Variants in KIAA1217 observed in about 807,000 individuals in gnomAD.
The protein encoded by KIAA1217 is sickle tail protein homolog.
Under a neutral mutation model 163.9 loss-of-function variants are expected in KIAA1217, and 88 were observed. That is an observed-to-expected ratio of 0.54 (90% CI 0.45 to 0.64). The LOEUF (loss-of-function observed/expected upper bound fraction) is 0.64. Among genes scored for constraint, KIAA1217 ranks in the 30% least tolerant of loss-of-function variants. The pLI, the probability that KIAA1217 is intolerant of heterozygous loss-of-function variation, is 0.00. For missense variants in KIAA1217, 2,372 were observed against 2,475.0 expected (o/e 0.96, Z 0.88); for synonymous variants, 903 against 923.1 (o/e 0.98, Z 0.39).
chr10:23,732,739 T>A (rs979485346), intron 1 of KIAA1217, among the ~76,000 whole-genome samples: 1 of 152,202 alleles, frequency 6.6e-6, no homozygotes, highest in Non-Finnish European at 1.5e-5. Context: ...ACTGGTTTTT[T>A]AATCTTTCTT....
chr10:23,711,259 G>A (rs546939764), intron 1 of KIAA1217, among the ~76,000 whole-genome samples: 94 of 152,286 alleles, frequency 6.2e-4, no homozygotes, highest in African/African-American at 2.2e-3. Context: ...ACCTCCGAAA[G>A]CAAAAGAGAC....
intron 1 of KIAA1217, among the ~76,000 whole-genome samples, chr10:24,215,832 G>C (rs1295813285): frequency 6.6e-6 from 1 of 152,190 alleles, no homozygotes; most frequent in African/African-American, 2.4e-5. Flanking sequence ...CTCGAGGTAG[G>C]AGGGGAGGCA....
intron 1 of KIAA1217, among the ~76,000 whole-genome samples, chr10:23,878,071 T>A (rs893160017): frequency 5.3e-5 from 8 of 151,862 alleles, no homozygotes; most frequent in African/African-American, 1.4e-4. Flanking sequence ...TGCCCTCTGC[T>A]TTTTTTTCTT....
chr10:24,229,524 A>ATTTATTC (rs1488235054), intron 2 of KIAA1217, among the ~76,000 whole-genome samples: 2 of 152,004 alleles, frequency 1.3e-5, no homozygotes, highest in Non-Finnish European at 2.9e-5. Context: ...TTGTTTATTT[A>ATTTATTC]TTTATTCTTT....
intron 1 of KIAA1217, among the ~76,000 whole-genome samples, chr10:23,958,297 G>T (rs1327568339): frequency 2.0e-5 from 3 of 152,204 alleles, no homozygotes; most frequent in Non-Finnish European, 4.4e-5. Flanking sequence ...GGGTGCAGGT[G>T]GGTGGGAGGA....
At chr10:24,272,172 T>C (rs1215561891) in intron 2 of KIAA1217, among the ~76,000 whole-genome samples, 2 of 152,114 alleles carry the variant, frequency 1.3e-5, no homozygotes, top group African/African-American at 2.4e-5. Flanking sequence ...TAGCAATGTG[T>C]TTATGCAGTA....
At chr10:24,331,892 C>A (rs375299981) in intron 2 of KIAA1217, among the ~76,000 whole-genome samples, 4 of 152,122 alleles carry the variant, frequency 2.6e-5, no homozygotes, top group Non-Finnish European at 4.4e-5. Flanking sequence ...CTCTGCCTCC[C>A]GGGTTCAAGC....
chr10:24,448,253 G>GT (rs1043341727), intron 5 of KIAA1217, among the ~76,000 whole-genome samples: 2 of 151,922 alleles, frequency 1.3e-5, no homozygotes, highest in South Asian at 2.1e-4. Flanking sequence ...GCGTGGGGGG[G>GT]GCTGGAGTTT....
At chr10:23,823,436 C>T (rs953654623) in intron 1 of KIAA1217, among the ~76,000 whole-genome samples, 1 of 152,202 alleles carries the variant, frequency 6.6e-6, no homozygotes, top group Non-Finnish European at 1.5e-5. Flanking sequence ...TTTGCTGCAT[C>T]TCTTCTGCCC....
intron 2 of KIAA1217, among the ~76,000 whole-genome samples, chr10:24,319,328 A>G (rs988696833): frequency 6.8e-6 from 1 of 148,046 alleles, no homozygotes; most frequent in African/African-American, 2.5e-5. Context: ...GTGAGCTGAA[A>G]TCATGCCACT....
chr10:24,200,656 T>C (rs767942154), intron 2 of KIAA1217, among the ~76,000 whole-genome samples: 4 of 152,224 alleles, frequency 2.6e-5, no homozygotes, highest in Non-Finnish European at 5.9e-5. Flanking sequence ...CCCTTCGCTA[T>C]ATATTTCATA....
At chr10:23,848,801 G>T (rs1186557234) in intron 1 of KIAA1217, among the ~76,000 whole-genome samples, 1 of 151,968 alleles carries the variant, frequency 6.6e-6, no homozygotes, top group African/African-American at 2.4e-5. Flanking sequence ...CTCCACAGTG[G>T]ATTTTTTGTG....
At chr10:24,496,523 G>C (rs1201485452) in intron 8 of KIAA1217, among the ~76,000 whole-genome samples, 5 of 152,206 alleles carry the variant, frequency 3.3e-5, no homozygotes, top group Non-Finnish European at 7.3e-5. Context: ...TGTACGTGCT[G>C]TTTTGTATTC....
intron 2 of KIAA1217, among the ~76,000 whole-genome samples, chr10:24,361,159 A>G (rs2134229845): frequency 7.1e-6 from 1 of 140,566 alleles, no homozygotes; most frequent in Non-Finnish European, 1.6e-5. Flanking sequence ...CACATGCCAC[A>G]AGCACATGCC....
intron 1 of KIAA1217, among the ~76,000 whole-genome samples, chr10:23,751,651 A>C (rs1839746048): frequency 6.6e-6 from 1 of 152,122 alleles, no homozygotes; most frequent in Non-Finnish European, 1.5e-5. Flanking sequence ...CTAATTTGTG[A>C]CTGTGGCTAG....
intron 2 of KIAA1217, among the ~76,000 whole-genome samples, chr10:24,145,270 A>G (rs2131843164): frequency 6.6e-6 from 1 of 152,338 alleles, no homozygotes; most frequent in Admixed American, 6.5e-5. Flanking sequence ...AATCTGGTCA[A>G]GGACAATTTG....
chr10:24,361,982 C>CAAAAA (rs68117028), intron 2 of KIAA1217, among the ~76,000 whole-genome samples: 33 of 100,560 alleles, frequency 3.3e-4, no homozygotes, highest in Admixed American at 5.7e-4. Flanking sequence ...GACTCTGTCT[C>CAAAAA]AAAAAAAAAA....
intron 2 of KIAA1217, among the ~76,000 whole-genome samples, chr10:24,221,906 A>C (rs1307440507): frequency 6.6e-6 from 1 of 152,130 alleles, no homozygotes; most frequent in Non-Finnish European, 1.5e-5. Context: ...GTGTGGTGGC[A>C]CACACCTGTA....
At chr10:23,805,595 A>G (rs1241223575) in intron 1 of KIAA1217, among the ~76,000 whole-genome samples, 2 of 152,160 alleles carry the variant, frequency 1.3e-5, no homozygotes. Flanking sequence ...TACCTGGGTG[A>G]TAACATAATT....
Sources: allele counts gnomAD v4.1 joint callset (sites outside exome capture counted in the v4.1 genomes callset), GRCh38; gene constraint gnomAD v4.1.1; transcripts MANE v1.5; gene names NCBI Gene and HGNC (gene_info 2026-07-23, HGNC 2026-07-21).